MIR2052HG: variants seen among roughly 807,000 people sequenced by gnomAD.
MIR2052HG encodes the protein MIR2052 host gene.
At chr8:74,731,324 C>T (rs369552893) in intron 4 of MIR2052HG, among the ~76,000 whole-genome samples, 1 of 152,172 alleles carries the variant, frequency 6.6e-6, no homozygotes, top group Admixed American at 6.5e-5. Flanking sequence ...TACATTGGGC[C>T]TCTTCTGTCT....
chr8:74,664,455 T>G (rs991157811), intron 2 of MIR2052HG, among the ~76,000 whole-genome samples: 4 of 152,130 alleles, frequency 2.6e-5, no homozygotes, highest in Admixed American at 1.3e-4. Context: ...CTTGAATCTT[T>G]CTTGTTCCTT....
intron 4 of MIR2052HG, among the ~76,000 whole-genome samples, chr8:74,719,453 G>A (rs1228706755): frequency 1.3e-5 from 2 of 152,130 alleles, no homozygotes. Context: ...CTGGTGACCC[G>A]GACAGGTTGG....
At chr8:74,604,374 C>G (rs1201601895) in intron 1 of MIR2052HG, 4 of 92,510 alleles carry the variant, frequency 4.3e-5, no homozygotes, top group South Asian at 1.4e-4. Context: ...AGGGGAAGGG[C>G]GGGAGGCCGG....
At chr8:74,654,214 G>A (rs1410536744) in intron 2 of MIR2052HG, among the ~76,000 whole-genome samples, 1 of 152,098 alleles carries the variant, frequency 6.6e-6, no homozygotes, top group Non-Finnish European at 1.5e-5. Flanking sequence ...AACTTGACAT[G>A]TGCCCCTCAG....
chr8:74,666,104 T>G (rs1206840095), intron 2 of MIR2052HG, among the ~76,000 whole-genome samples: 8 of 152,122 alleles, frequency 5.3e-5, no homozygotes, highest in Non-Finnish European at 7.4e-5. Flanking sequence ...ACTTCTAAAT[T>G]CATACAACTG....
intron 2 of MIR2052HG, among the ~76,000 whole-genome samples, chr8:74,674,257 A>G (rs561769084): frequency 2.0e-5 from 3 of 151,344 alleles, no homozygotes; most frequent in Non-Finnish European, 4.4e-5. Flanking sequence ...TGTGTGATTG[A>G]TTAATTACAC....
At chr8:74,659,095 T>G (rs1808835561) in intron 2 of MIR2052HG, among the ~76,000 whole-genome samples, 1 of 152,222 alleles carries the variant, frequency 6.6e-6, no homozygotes, top group Non-Finnish European at 1.5e-5. Flanking sequence ...CCAAAGAAAC[T>G]AACCTGAACT....
intron 2 of MIR2052HG, among the ~76,000 whole-genome samples, chr8:74,669,239 C>A (rs957781569): frequency 6.6e-6 from 1 of 152,148 alleles, no homozygotes; most frequent in African/African-American, 2.4e-5. Flanking sequence ...TACTTAGACC[C>A]CAAACCTAAG....
chr8:74,654,195 G>T (rs1158083315), intron 2 of MIR2052HG, among the ~76,000 whole-genome samples: 3 of 152,034 alleles, frequency 2.0e-5, no homozygotes, highest in African/African-American at 7.2e-5. Context: ...TCAAGGAAAA[G>T]GTTTGGAGAA....
chr8:74,715,000 G>A (rs1455182209), intron 4 of MIR2052HG, among the ~76,000 whole-genome samples: 1 of 151,822 alleles, frequency 6.6e-6, no homozygotes, highest in Non-Finnish European at 1.5e-5. Context: ...CTTTTCTATT[G>A]TTTTTTTATT....
intron 2 of MIR2052HG, among the ~76,000 whole-genome samples, chr8:74,678,377 G>A (rs1285792768): frequency 2.0e-5 from 3 of 152,070 alleles, no homozygotes; most frequent in African/African-American, 7.2e-5. Flanking sequence ...TAGCCAACAT[G>A]GTGAAACCCC....
At chr8:74,755,472 G>A (rs1226034822) in intron 5 of MIR2052HG, among the ~76,000 whole-genome samples, 4 of 152,212 alleles carry the variant, frequency 2.6e-5, no homozygotes, top group Non-Finnish European at 5.9e-5. Context: ...CTTTGGTAAT[G>A]AGCCAGCAGG....
chr8:74,607,913 A>C (rs1000214029), intron 1 of MIR2052HG, among the ~76,000 whole-genome samples: 9 of 152,200 alleles, frequency 5.9e-5, no homozygotes, highest in African/African-American at 1.9e-4. Flanking sequence ...ATGGCACACA[A>C]GGGAGAAAGC....
At chr8:74,706,894 G>T (rs1809416524) in intron 4 of MIR2052HG, among the ~76,000 whole-genome samples, 1 of 152,030 alleles carries the variant, frequency 6.6e-6, no homozygotes, top group South Asian at 2.1e-4. Context: ...GGGAGGATTT[G>T]CAAGTGCGTG....
chr8:74,742,986 A>G (rs980290172), intron 4 of MIR2052HG, among the ~76,000 whole-genome samples: 5 of 152,146 alleles, frequency 3.3e-5, no homozygotes, highest in African/African-American at 1.2e-4. Flanking sequence ...AAAAGGCTGG[A>G]CAAGGCTCAG....
chr8:74,746,237 T>C (rs75270256), intron 4 of MIR2052HG, among the ~76,000 whole-genome samples: 1,918 of 152,284 alleles, frequency 0.013, 30 homozygotes, highest in African/African-American at 0.044. Flanking sequence ...AATTAGCTTC[T>C]GGTAGAAATT....
chr8:74,664,522 A>C (rs1363860782), intron 2 of MIR2052HG, among the ~76,000 whole-genome samples: 2 of 151,184 alleles, frequency 1.3e-5, no homozygotes, highest in Non-Finnish European at 3.0e-5. Flanking sequence ...TTCCTTTTTT[A>C]TTTTTATTTT....
In MIR2052HG at chr8:74,746,807, G is replaced by T. The variant is rs141373802; in HGVS notation, n.372-5634G>T. 6.5e-3 allele frequency among the ~76,000 whole-genome samples: 987 copies of T among 152,000 alleles called. 10 individuals are homozygous for T. Among genetic ancestry groups the T allele is most frequent in the African/African-American group, 0.022 (898 of 41,484 alleles). ...TGTTTGAAATGGAGAGCACTGGCAG[G>T]ATTGAAAAAGGTAACAGTATGATCA... On this transcript the variant is annotated intron_variant and non_coding_transcript_variant, in intron 4 of 6. Coordinates refer to ENST00000523442, the Ensembl canonical transcript of MIR2052HG.
chr8:74,731,766 C>T (rs2128754884), intron 4 of MIR2052HG, among the ~76,000 whole-genome samples: 1 of 152,268 alleles, frequency 6.6e-6, no homozygotes, highest in South Asian at 2.1e-4. Context: ...GCAGGAGTGA[C>T]TTCACTTATA....
Sources: gnomAD v4.1 joint callset for allele counts (sites outside exome capture counted in the v4.1 genomes callset) on GRCh38, gnomAD v4.1.1 for gene constraint, MANE v1.5 for transcripts, NCBI Gene and HGNC (gene_info 2026-07-23, HGNC 2026-07-21) for gene names.